The following PRTG variants were observed in gnomAD, a reference collection of about 807,000 sequenced individuals.
PRTG encodes immunoglobulin superfamily, DCC subclass, member 5.
PRTG carries 67 observed loss-of-function variants against 122.5 expected under a neutral mutation model. The ratio of observed to expected loss-of-function variants is 0.55; its 90% CI spans 0.45 to 0.67. The LOEUF (loss-of-function observed/expected upper bound fraction) is 0.67, where lower values mean the gene tolerates loss of function less well. Ranked by LOEUF, PRTG falls within the 30% of genes least tolerant of loss-of-function variation. The pLI is 0.00. For synonymous variants in PRTG, 554 were observed against 501.1 expected, an observed-to-expected ratio of 1.11 and a Z score of -1.41; for missense variants, 1,435 against 1,415.4, an observed-to-expected ratio of 1.01 and a Z score of -0.22.
Position 55,695,487 on chromosome 15 carries a change from G to A in PRTG, c.398-11556C>T, listed in dbSNP as rs182188273. Among the ~76,000 whole-genome samples the A allele has an allele frequency of 9.2e-5, 14 of 152,278 alleles. No individual in the cohort carries two copies. The East Asian group carries it at 2.7e-3, about 29-fold the overall frequency. ...ATCCTAACGCAGGGTTTTAAACGGTGGTCCTAACACTGCAGTTCAGCCAGG... is the reference window on the plus strand; with the variant it reads ...ATCCTAACGCAGGGTTTTAAACGGTAGTCCTAACACTGCAGTTCAGCCAGG... On this transcript the variant is annotated intron_variant, in intron 2 of 19. Transcript: ENST00000389286.
chr15:55,642,483 G>C (rs986804140), intron 11 of PRTG, among the ~76,000 whole-genome samples: 1 of 151,638 alleles, frequency 6.6e-6, no homozygotes, highest in African/African-American at 2.4e-5. Flanking sequence ...CGGACGTGAT[G>C]GCACATGCCA....
At chr15:55,649,221 C>A (rs2059340550) in intron 11 of PRTG, among the ~76,000 whole-genome samples, 1 of 152,154 alleles carries the variant, frequency 6.6e-6, no homozygotes, top group African/African-American at 2.4e-5. Context: ...TACTAAGAAG[C>A]TAAGAGACAG....
chr15:55,683,259 T>G lies in PRTG; in HGVS notation c.542+528A>C, dbSNP rs1180600142. 3.3e-5 allele frequency among the ~76,000 whole-genome samples: 5 copies of G among 152,244 alleles called. No individual in the cohort carries two copies. In the East Asian group the frequency reaches 9.6e-4, roughly 29 times the overall value. On this transcript the variant is annotated intron_variant, in intron 3 of 19. Transcript: ENST00000389286. ...GTGCTTTACCATGTTAGCAAATGTC[T>G]GCCAACTCAGGAGCAGGGCAGGAAT...
chr15:55,648,340 G>A (rs1307012978), intron 11 of PRTG, among the ~76,000 whole-genome samples: 1 of 152,114 alleles, frequency 6.6e-6, no homozygotes, highest in Admixed American at 6.6e-5. Context: ...ACTCTCTAAT[G>A]CCAAAATCTT....
At chr15:55,677,096 G>C (rs1274326851) in intron 8 of PRTG, among the ~76,000 whole-genome samples, 3 of 152,234 alleles carry the variant, frequency 2.0e-5, no homozygotes, top group South Asian at 4.1e-4. Context: ...AAAAGCAAGA[G>C]AGAAATTTCT....
intron 11 of PRTG, among the ~76,000 whole-genome samples, chr15:55,657,045 T>C (rs1190678318): frequency 6.6e-6 from 1 of 152,176 alleles, no homozygotes; most frequent in African/African-American, 2.4e-5. Context: ...AGAATGTCAA[T>C]TTGTAAAATG....
At chr15:55,738,772 A>C (rs2031515570) in intron 2 of PRTG, 1 of 181,604 alleles carries the variant, frequency 5.5e-6, no homozygotes, top group Admixed American at 6.4e-5. Flanking sequence ...GACAGGAAGA[A>C]GAGAGGGAGG....
At chr15:55,684,132 C>T (rs28481986) in intron 2 of PRTG, among the ~76,000 whole-genome samples, 3,676 of 152,206 alleles carry the variant, frequency 0.024, 144 homozygotes, top group African/African-American at 0.077. Context: ...TCTGGTCTTT[C>T]CCAGAATTAA....
chr15:55,626,138 G>A (rs957711580), intron 17 of PRTG, among the ~76,000 whole-genome samples: 2 of 152,226 alleles, frequency 1.3e-5, no homozygotes, highest in Non-Finnish European at 2.9e-5. Flanking sequence ...ATACTAGGCC[G>A]GGCGCGGTGG....
At chr15:55,622,281 G>C (rs1203222079) in intron 18 of PRTG, among the ~76,000 whole-genome samples, 1 of 145,416 alleles carries the variant, frequency 6.9e-6, no homozygotes, top group Non-Finnish European at 1.5e-5. Flanking sequence ...AATATGGCGC[G>C]ATCTCGGCTC....
At chr15:55,632,071 T>G (rs2059230588) in intron 15 of PRTG, among the ~76,000 whole-genome samples, 1 of 152,182 alleles carries the variant, frequency 6.6e-6, no homozygotes, top group South Asian at 2.1e-4. Context: ...TCCACAGCCT[T>G]AAACATCACC....
chr15:55,645,227 A>C (rs2059314115), intron 11 of PRTG, among the ~76,000 whole-genome samples: 1 of 151,102 alleles, frequency 6.6e-6, no homozygotes. Flanking sequence ...CGAGGTCAGG[A>C]GATCGAGACC....
chr15:55,621,462 C>T (rs1285347220), intron 18 of PRTG, among the ~76,000 whole-genome samples: 1 of 152,090 alleles, frequency 6.6e-6, no homozygotes, highest in African/African-American at 2.4e-5. Flanking sequence ...TCTAGACCAT[C>T]CTGGCTAACA....
chr15:55,740,934 A>G (rs983194832), intron 1 of PRTG, among the ~76,000 whole-genome samples: 1 of 152,232 alleles, frequency 6.6e-6, no homozygotes, highest in East Asian at 1.9e-4. Context: ...TGCTTTGTAT[A>G]AATTCTGCTC....
rs3985769 is a variant in PRTG, at chr15:55,709,145, CAAAAAAAAAAAAAAAAAAAAA to C, written c.398-25235_398-25215del. On this transcript the variant is annotated intron_variant, in intron 2 of 19. Transcript: ENST00000389286. ...TGGGCGACAGGGTGGGACTCTGTCT[CAAAAAAAAAAAAAAAAAAAAA>C]AAAAAAAAGAATTACAGACGTTTTT... Among the ~76,000 whole-genome samples the C allele has an allele frequency of 5.8e-5, 3 of 51,842 alleles. No individual in the cohort carries two copies. The Admixed American group carries it at 1.0e-3, about 18-fold the overall frequency. 34.0% of individuals were successfully genotyped at this position (51,842 alleles called of 152,430 possible).
In PRTG at chr15:55,613,773, T is replaced by C. The variant is rs1376921055; in HGVS notation, c.*6239A>G. 6.6e-6 allele frequency: 1 copy of C among 150,884 alleles called. No homozygotes were observed. The highest frequency in any genetic ancestry group is 1.5e-5 in the Non-Finnish European group (1 of 67,596). 9.3% of individuals were successfully genotyped at this position (150,884 alleles called of 1,614,324 possible). A position where few individuals can be genotyped will look rare whatever the true frequency, so the allele number is the denominator to read the frequency against. Reference sequence around the variant, plus strand: ...TGATTAAATACCTTTTTTTTTTTTTTTTTTTTTTAAGCTGAGACAATGTAT... The same window carrying C: ...TGATTAAATACCTTTTTTTTTTTTTCTTTTTTTTAAGCTGAGACAATGTAT... On this transcript the variant is annotated 3_prime_UTR_variant, in exon 20 of 20. Transcript: ENST00000389286.
In PRTG at chr15:55,673,460, A is replaced by T; in HGVS notation, c.1763T>A (p.Leu588Gln). Residue 588 changes from leucine (L) to glutamine (Q), a missense_variant, in exon 10 of 20, where the codon CTG becomes CAG. Coordinates refer to ENST00000389286, the MANE Select transcript of PRTG (RefSeq NM_173814.6). ...TCTGGTGGCAGCAGTAATCCGAACC[A>T]GGTAGACACTGTCAGGTTTCAGGCC... ...LEGLKPDSVY[L>Q]VRITAATRVG... 1 of 1,614,154 alleles carries T rather than the reference A, an allele frequency of 6.2e-7. No homozygotes were observed. Among genetic ancestry groups the T allele is most frequent in the Admixed American group, 1.7e-5 (1 of 60,024 alleles).
rs1258762415 is a variant in PRTG, at chr15:55,742,960, G to C, written c.-29C>G. 1.3e-6 allele frequency: 2 copies of C among 1,482,290 alleles called. No individual in the cohort carries two copies. The highest frequency in any genetic ancestry group is 2.3e-5 in the Admixed American group (1 of 43,180). The allele number at this position is 1,482,290 out of a possible 1,614,324, so 91.8% of individuals were successfully genotyped here. A position where few individuals can be genotyped will look rare whatever the true frequency, so the allele number is the denominator to read the frequency against. On this transcript the variant is annotated 5_prime_UTR_variant, in exon 1 of 20. Transcript: ENST00000389286. Reference sequence around the variant, plus strand: ...GCGTAGCCGCGCGGGCATGCTCCCCGGCCGCCCAGAGCCCCTGTCCGTCTG... The same window carrying C: ...GCGTAGCCGCGCGGGCATGCTCCCCCGCCGCCCAGAGCCCCTGTCCGTCTG...
chr15:55,653,492 C>T (rs1295730864), intron 11 of PRTG, among the ~76,000 whole-genome samples: 13 of 148,872 alleles, frequency 8.7e-5, no homozygotes, highest in Non-Finnish European at 1.6e-4. Flanking sequence ...GATGGAGTTT[C>T]GCTCTTTGTT....
Sources: allele counts gnomAD v4.1 joint callset (sites outside exome capture counted in the v4.1 genomes callset), GRCh38; gene constraint gnomAD v4.1.1; transcripts MANE v1.5; gene names NCBI Gene and HGNC (gene_info 2026-07-23, HGNC 2026-07-21).